The following NALF1 variants were observed in gnomAD, a reference collection of about 807,000 sequenced individuals.
NALF1 encodes the protein family with sequence similarity 155 member A.
In NALF1, 3 loss-of-function variants were observed where a neutral mutation model predicts 48.4. The observed-to-expected ratio is 0.06, with a 90% CI of 0.03 to 0.16. The LOEUF (loss-of-function observed/expected upper bound fraction) is 0.16, where lower values mean the gene tolerates loss of function less well. Among genes scored for constraint, NALF1 ranks in the 10% least tolerant of loss-of-function variants. The pLI, the probability that NALF1 is intolerant of heterozygous loss-of-function variation, is 1.00. For missense variants in NALF1, 526 were observed against 571.5 expected (o/e 0.92, Z 0.81); for synonymous variants, 262 against 245.7 (o/e 1.07, Z -0.62).
At chr13:107,634,476 T>C (rs947421216) in intron 1 of NALF1, among the ~76,000 whole-genome samples, 1 of 152,158 alleles carries the variant, frequency 6.6e-6, no homozygotes. Context: ...TATGAACATG[T>C]CAGAAAATAA....
intron 1 of NALF1, among the ~76,000 whole-genome samples, chr13:107,640,322 C>T (rs917292933): frequency 6.6e-6 from 1 of 152,112 alleles, no homozygotes; most frequent in African/African-American, 2.4e-5. Context: ...GAGAACATGC[C>T]TGTTTATGCT....
intron 1 of NALF1, among the ~76,000 whole-genome samples, chr13:107,317,298 A>T (rs940716822): frequency 6.6e-6 from 1 of 152,104 alleles, no homozygotes; most frequent in Admixed American, 6.6e-5. Context: ...AATACATTTT[A>T]ATACACGTTT....
chr13:107,749,856 G>T (rs1876885192), intron 1 of NALF1, among the ~76,000 whole-genome samples: 1 of 151,960 alleles, frequency 6.6e-6, no homozygotes, highest in Non-Finnish European at 1.5e-5. Context: ...GTCTTGCTCT[G>T]TCTCCCAGGC....
intron 1 of NALF1, among the ~76,000 whole-genome samples, chr13:107,266,661 T>C (rs1881044982): frequency 6.6e-6 from 1 of 152,128 alleles, no homozygotes. Flanking sequence ...AGTACAGTGT[T>C]ATGGGAAAAG....
intron 1 of NALF1, among the ~76,000 whole-genome samples, chr13:107,358,537 C>G (rs1031766253): frequency 1.3e-5 from 2 of 152,140 alleles, no homozygotes; most frequent in African/African-American, 2.4e-5. Context: ...GCAAATAGAA[C>G]TGTTTGGAAC....
intron 1 of NALF1, among the ~76,000 whole-genome samples, chr13:107,310,234 AC>A (rs1882018184): frequency 6.6e-6 from 1 of 152,022 alleles, no homozygotes; most frequent in African/African-American, 2.4e-5. Context: ...ACATGGTGAA[AC>A]CCTGTCTCTA....
intron 1 of NALF1, among the ~76,000 whole-genome samples, chr13:107,680,752 TAA>T (rs1186095290): frequency 2.7e-5 from 4 of 150,420 alleles, no homozygotes; most frequent in South Asian, 2.1e-4. Context: ...TGCATGAGTG[TAA>T]GAGTATGTGA....
At chr13:107,444,646 T>C (rs912840518) in intron 1 of NALF1, among the ~76,000 whole-genome samples, 1 of 152,150 alleles carries the variant, frequency 6.6e-6, no homozygotes, top group Non-Finnish European at 1.5e-5. Context: ...GATTGCAGAG[T>C]ATGTTTATAC....
chr13:107,197,972 T>C (rs1262490865), intron 2 of NALF1, among the ~76,000 whole-genome samples: 1 of 152,212 alleles, frequency 6.6e-6, no homozygotes, highest in Non-Finnish European at 1.5e-5. Context: ...AGTATTAGTC[T>C]ATATTTCCTT....
At chr13:107,413,426 A>G (rs1245972347) in intron 1 of NALF1, among the ~76,000 whole-genome samples, 1 of 152,176 alleles carries the variant, frequency 6.6e-6, no homozygotes, top group Non-Finnish European at 1.5e-5. Context: ...ATTATAAACA[A>G]GTGATAAAGA....
At chr13:107,704,330 TC>T (rs1881895821) in intron 1 of NALF1, among the ~76,000 whole-genome samples, 1 of 152,216 alleles carries the variant, frequency 6.6e-6, no homozygotes, top group Non-Finnish European at 1.5e-5. Context: ...TTTTGTTCTT[TC>T]TTTTTGAATT....
chr13:107,514,792 T>TC (rs1375467367), intron 1 of NALF1, among the ~76,000 whole-genome samples: 2 of 152,100 alleles, frequency 1.3e-5, no homozygotes, highest in Non-Finnish European at 2.9e-5. Context: ...GCCTATACTC[T>TC]CCCCCACTTA....
chr13:107,787,684 GAA>G (rs1406724869), intron 1 of NALF1, among the ~76,000 whole-genome samples: 13 of 152,100 alleles, frequency 8.5e-5, no homozygotes, highest in African/African-American at 2.4e-4. Context: ...AAGTATTTCT[GAA>G]GTTATGTTTT....
chr13:107,685,763 G>T (rs1881417488), intron 1 of NALF1, among the ~76,000 whole-genome samples: 1 of 152,214 alleles, frequency 6.6e-6, no homozygotes, highest in Non-Finnish European at 1.5e-5. Context: ...GAAGGAAAAG[G>T]GGTGATTGAT....
intron 1 of NALF1, among the ~76,000 whole-genome samples, chr13:107,833,614 A>G (rs184291577): frequency 1.3e-5 from 2 of 152,270 alleles, no homozygotes; most frequent in Non-Finnish European, 1.5e-5. Context: ...CCTTTCCATT[A>G]CAAAGGTGTC....
chr13:107,212,567 G>A (rs1283576636), intron 1 of NALF1, among the ~76,000 whole-genome samples: 1 of 152,204 alleles, frequency 6.6e-6, no homozygotes, highest in African/African-American at 2.4e-5. Flanking sequence ...GAGGCTGGAA[G>A]CACCAGCTTC....
At chr13:107,663,558 T>C (rs1240122653) in intron 1 of NALF1, among the ~76,000 whole-genome samples, 1 of 152,188 alleles carries the variant, frequency 6.6e-6, no homozygotes, top group African/African-American at 2.4e-5. Flanking sequence ...GTCATTGTTG[T>C]TTTTCGTGTG....
intron 1 of NALF1, among the ~76,000 whole-genome samples, chr13:107,680,923 G>A (rs1474295779): frequency 6.8e-6 from 1 of 147,186 alleles, no homozygotes; most frequent in Non-Finnish European, 1.5e-5. Flanking sequence ...GGGTGTATGA[G>A]AGTATGAGTA....
chr13:107,652,451 T>C (rs1880472016), intron 1 of NALF1, among the ~76,000 whole-genome samples: 2 of 152,200 alleles, frequency 1.3e-5, no homozygotes, highest in Non-Finnish European at 2.9e-5. Flanking sequence ...ACACAATACA[T>C]AGCCAAAGTC....
Sources: gnomAD v4.1 joint callset for allele counts (sites outside exome capture counted in the v4.1 genomes callset) on GRCh38, gnomAD v4.1.1 for gene constraint, MANE v1.5 for transcripts, NCBI Gene and HGNC (gene_info 2026-07-23, HGNC 2026-07-21) for gene names.